The following MICAL2 variants were observed in gnomAD, a reference collection of about 807,000 sequenced individuals.
MICAL2 encodes [F-actin]-monooxygenase MICAL2.
MICAL2 carries 77 observed loss-of-function variants against 127.3 expected under a neutral mutation model. The observed-to-expected ratio is 0.60, with a 90% CI of 0.50 to 0.73. The LOEUF (loss-of-function observed/expected upper bound fraction) is 0.73. MICAL2 is among the 30% of genes least tolerant of loss of function. MICAL2 has a pLI of 0.00. For missense variants in MICAL2, 1,351 were observed against 1,434.4 expected (o/e 0.94, Z 0.94); for synonymous variants, 570 against 551.1 (o/e 1.03, Z -0.48).
At chr11:12,117,579 A>G (rs368156968) in intron 1 of MICAL2, among the ~76,000 whole-genome samples, 264 of 152,332 alleles carry the variant, frequency 1.7e-3, no homozygotes, top group African/African-American at 5.3e-3. Context: ...AGACTGAAGA[A>G]GCAGCTCTCA....
At chr11:12,234,777 C>T (rs1349688922) in intron 15 of MICAL2, among the ~76,000 whole-genome samples, 2 of 152,096 alleles carry the variant, frequency 1.3e-5, no homozygotes, top group African/African-American at 2.4e-5. Flanking sequence ...GGAGGGGATG[C>T]GTACTGGGTT....
At chr11:12,236,656 T>C (rs904000690) in intron 16 of MICAL2, among the ~76,000 whole-genome samples, 18 of 152,246 alleles carry the variant, frequency 1.2e-4, no homozygotes, top group African/African-American at 4.3e-4. Flanking sequence ...TGTGTTTCCT[T>C]TGCTTTTAGC....
chr11:12,240,920 C>T, intron 17 of MICAL2, 120 bp from the exon 18 acceptor site: 1 of 1,319,894 alleles, frequency 7.6e-7, no homozygotes, highest in South Asian at 1.4e-5. Context: ...GCTTCCTCTG[C>T]ACTTGCAACC....
intron 2 of MICAL2, among the ~76,000 whole-genome samples, chr11:12,143,420 A>G (rs1295848887): frequency 6.6e-6 from 1 of 152,230 alleles, no homozygotes; most frequent in Non-Finnish European, 1.5e-5. Flanking sequence ...TCATTGAAAG[A>G]AACATTAGCA....
chr11:12,343,397 T>C (rs1938900671), intron 32 of MICAL2, among the ~76,000 whole-genome samples: 1 of 89,744 alleles, frequency 1.1e-5, no homozygotes, highest in Non-Finnish European at 2.6e-5. Flanking sequence ...GACAAGAGCT[T>C]CATCTCATTA....
Position 12,129,266 on chromosome 11 carries a change from T to C in MICAL2, c.-148-9124T>C, listed in dbSNP as rs563052356. Among the ~76,000 whole-genome samples the C allele has an allele frequency of 3.3e-5, 5 of 152,284 alleles. No homozygotes were observed. The South Asian group carries it at 1.0e-3, about 32-fold the overall frequency. On this transcript the variant is annotated intron_variant, in intron 1 of 27. Coordinates refer to ENST00000683283, the MANE Select transcript of MICAL2 (RefSeq NM_001282663.2). ...CATATTCTGACCTGAAGACCCCACC[T>C]CTCAGGATTTGGAAAATGTCTGATA...
At position 12,227,064 on chromosome 11, in the gene MICAL2, G is replaced by A; in HGVS notation, c.1928G>A (p.Ser643Asn). The A allele has an allele frequency of 6.2e-7, 1 of 1,614,114 alleles. No individual in the cohort carries two copies. The change falls in exon 15 of 28, where the codon AGC becomes AAC. Residue 643 changes from serine (S) to asparagine (N), a missense_variant. Around this residue, in one of 2 missense-constraint regions of MICAL2, gnomAD observed 752 missense variants for 719.4 expected, o/e 1.05. Coordinates refer to ENST00000683283, the MANE Select transcript of MICAL2 (RefSeq NM_001282663.2). ...RKNYGENADLSLAKSSISNNY... is the reference protein window; with the variant it reads ...RKNYGENADLNLAKSSISNNY... ...AACTATGGAGAAAATGCTGACCTCAGCTTGGCCAAATCATCCATTTCTAAT... is the reference window on the plus strand; with the variant it reads ...AACTATGGAGAAAATGCTGACCTCAACTTGGCCAAATCATCCATTTCTAAT...
In MICAL2 at chr11:12,171,438, G is replaced by GT. The variant is rs543715063; in HGVS notation, c.264+9026dup. ...TCACTGGAGACTCTTGTTCTGCTTT[G>GT]TTTTTTTCCCACAATTAAAAATATC... On this transcript the variant is annotated intron_variant, in intron 3 of 27. Coordinates refer to ENST00000683283, the MANE Select transcript of MICAL2 (RefSeq NM_001282663.2). Among the ~76,000 whole-genome samples the GT allele has an allele frequency of 2.4e-4, 36 of 152,234 alleles. No homozygotes were observed. The South Asian group carries it at 3.7e-3, about 16-fold the overall frequency.
chr11:12,147,561 T>G (rs760099994), intron 2 of MICAL2, among the ~76,000 whole-genome samples: 1 of 152,220 alleles, frequency 6.6e-6, no homozygotes, highest in Non-Finnish European at 1.5e-5. Flanking sequence ...TTCCTTAAGT[T>G]TACACATTAA....
chr11:12,243,762 C>T (rs751806998), intron 20 of MICAL2, among the ~76,000 whole-genome samples: 23 of 152,182 alleles, frequency 1.5e-4, no homozygotes, highest in Non-Finnish European at 2.4e-4. Context: ...TGAGCTATTT[C>T]GGTGTGACAA....
intron 32 of MICAL2, among the ~76,000 whole-genome samples, chr11:12,346,608 C>G (rs1023983158): frequency 1.3e-5 from 2 of 152,212 alleles, no homozygotes; most frequent in Non-Finnish European, 2.9e-5. Flanking sequence ...AGTGCACCTG[C>G]TGTCTCCTCT....
rs189378191 is a variant in MICAL2, at chr11:12,164,808, C to T, written c.264+2389C>T. 2.5e-4 allele frequency among the ~76,000 whole-genome samples: 38 copies of T among 152,264 alleles called. 1 individual carries two copies. The highest frequency in any genetic ancestry group is 4.8e-4 in the African/African-American group (20 of 41,558). On this transcript the variant is annotated intron_variant, in intron 3 of 27. Transcript: ENST00000683283. ...GATTGATGTGAGGGAGGAGCAAATC[C>T]CCAAGGATGTGGGAGTGTGAGACAG...
intron 25 of MICAL2, among the ~76,000 whole-genome samples, chr11:12,259,169 C>G (rs1293612611): frequency 7.1e-6 from 1 of 141,164 alleles, no homozygotes; most frequent in Non-Finnish European, 1.6e-5. Context: ...TATAAAGAAA[C>G]AAAGTTAAAT....
At chr11:12,163,495 C>T (rs1382743596) in intron 3 of MICAL2, among the ~76,000 whole-genome samples, 1 of 152,182 alleles carries the variant, frequency 6.6e-6, no homozygotes. Flanking sequence ...ATGGGATATG[C>T]TGCTTTCCAC....
intron 33 of MICAL2, among the ~76,000 whole-genome samples, chr11:12,351,635 T>C (rs1395821175): frequency 6.6e-6 from 1 of 152,134 alleles, no homozygotes; most frequent in Non-Finnish European, 1.5e-5. Context: ...AGTCTATTTT[T>C]CCCAAATTTA....
chr11:12,245,798 A>G (rs1405928273), intron 21 of MICAL2, among the ~76,000 whole-genome samples: 1 of 152,212 alleles, frequency 6.6e-6, no homozygotes, highest in Non-Finnish European at 1.5e-5. Context: ...GTTGCAGGGT[A>G]GGCTTTTTGC....
rs548006128 is a variant in MICAL2 at position 12,226,060 on chromosome 11, C to T, written c.1689-111C>T. The T allele has an allele frequency of 1.2e-5, 12 of 1,024,528 alleles. No individual in the cohort carries two copies. In the African/African-American group the frequency reaches 1.7e-4, roughly 15 times the overall value. 63.5% of individuals were successfully genotyped at this position (1,024,528 alleles called of 1,614,324 possible). ...TCACTATTCCTCCCCTGTAACCTGCCGACACCTGGCAGAGTGTCACCCTCA... is the reference window on the plus strand; with the variant it reads ...TCACTATTCCTCCCCTGTAACCTGCTGACACCTGGCAGAGTGTCACCCTCA... On this transcript the variant is annotated intron_variant, in intron 13 of 27. Transcript: ENST00000683283.
intron 20 of MICAL2, among the ~76,000 whole-genome samples, chr11:12,243,763 G>T (rs755192437): frequency 2.6e-5 from 4 of 152,170 alleles, no homozygotes; most frequent in Non-Finnish European, 5.9e-5. Flanking sequence ...GAGCTATTTC[G>T]GTGTGACAAG....
chr11:12,242,182 G>C (rs765830051), intron 18 of MICAL2, 32 bp from the exon 19 acceptor site: 1 of 1,556,214 alleles, frequency 6.4e-7, no homozygotes, highest in Non-Finnish European at 8.7e-7. Context: ...GGCCGCAGTA[G>C]GGAAGGAAGC....
Sources: gnomAD v4.1 joint callset for allele counts (sites outside exome capture counted in the v4.1 genomes callset) on GRCh38, gnomAD v4.1.1 for gene constraint, gnomAD v4.1.1 regional missense constraint, MANE v1.5 for transcripts, NCBI Gene and HGNC (gene_info 2026-07-23, HGNC 2026-07-21) for gene names.